CTNND2: variants seen among roughly 807,000 people sequenced by gnomAD.
CTNND2 encodes the protein catenin delta 2, also known as catenin delta-2.
CTNND2 carries 22 observed loss-of-function variants against 144.4 expected under a neutral mutation model. The observed-to-expected ratio is 0.15, with a 90% CI of 0.11 to 0.22. The LOEUF is 0.22. Ranked by LOEUF, CTNND2 falls within the 10% of genes least tolerant of loss-of-function variation. The probability of loss-of-function intolerance (pLI) is 1.00; values close to 1 mark genes in which losing one functional copy is unlikely to be tolerated. For missense variants in CTNND2, 1,353 were observed against 1,618.8 expected (o/e 0.84, Z 2.82); for synonymous variants, 751 against 695.6 (o/e 1.08, Z -1.25).
intron 1 of CTNND2, among the ~76,000 whole-genome samples, chr5:11,828,256 A>C (rs35110309): frequency 0.031 from 4,716 of 152,244 alleles, 115 homozygotes; most frequent in Non-Finnish European, 0.049. Flanking sequence ...CCGGCCGGGC[A>C]TGGTGGCTCA....
At chr5:11,046,027 G>A (rs1245161025) in intron 16 of CTNND2, among the ~76,000 whole-genome samples, 1 of 152,064 alleles carries the variant, frequency 6.6e-6, no homozygotes, top group Non-Finnish European at 1.5e-5. Context: ...AGCAGCTGTT[G>A]GGGCTACTTG....
chr5:11,651,838 C>G (rs556043940), intron 2 of CTNND2, among the ~76,000 whole-genome samples: 1 of 152,072 alleles, frequency 6.6e-6, no homozygotes, highest in Admixed American at 6.6e-5. Context: ...AATGCCTGTT[C>G]CCCCATTGTT....
chr5:11,767,970 T>G (rs1478399803), intron 1 of CTNND2, among the ~76,000 whole-genome samples: 1 of 152,158 alleles, frequency 6.6e-6, no homozygotes, highest in Admixed American at 6.5e-5. Context: ...ATCACTAAAT[T>G]CTTAACTGTA....
chr5:11,500,103 T>C (rs888836532), intron 3 of CTNND2, among the ~76,000 whole-genome samples: 4 of 152,184 alleles, frequency 2.6e-5, no homozygotes, highest in Non-Finnish European at 4.4e-5. Context: ...ATTTCCCTCA[T>C]CTCTGCTGTA....
intron 16 of CTNND2, among the ~76,000 whole-genome samples, chr5:11,074,670 C>T (rs1041603280): frequency 8.5e-5 from 13 of 152,250 alleles, no homozygotes; most frequent in African/African-American, 2.9e-4. Flanking sequence ...CTGTTCTCAC[C>T]ACCCCTCACT....
chr5:11,061,882 T>C (rs1747027776), intron 16 of CTNND2, among the ~76,000 whole-genome samples: 1 of 152,090 alleles, frequency 6.6e-6, no homozygotes, highest in African/African-American at 2.4e-5. Flanking sequence ...CTAATTTTTA[T>C]ATTTTTAGTA....
In CTNND2 at chr5:11,117,476, G is replaced by T. The variant is rs1398822747; in HGVS notation, c.2251C>A (p.Leu751Met). The T allele has an allele frequency of 1.2e-6, 2 of 1,614,028 alleles. No homozygotes were observed. Among genetic ancestry groups the T allele is most frequent in the South Asian group, 2.2e-5 (2 of 91,078 alleles). Reference protein sequence around the residue: ...DALLYVIQSALGSSEIDSKTV... With the variant: ...DALLYVIQSAMGSSEIDSKTV... ...TTGCTATCGATCTCACTGCTCCCCA[G>T]CGCAGACTGGATCACGTACAGCAAG... Residue 751 changes from leucine (L) to methionine (M), a missense_variant, in exon 13 of 22, where the codon CTG becomes ATG. Physicochemically the swap from Leu to Met is conservative, Grantham distance 15. Coordinates refer to ENST00000304623, the MANE Select transcript of CTNND2 (RefSeq NM_001332.4).
intron 3 of CTNND2, among the ~76,000 whole-genome samples, chr5:11,541,745 A>G (rs1259036921): frequency 6.6e-6 from 1 of 152,040 alleles, no homozygotes; most frequent in Non-Finnish European, 1.5e-5. Context: ...ATCTTAATCC[A>G]AATGCATATC....
At chr5:11,493,180 G>A (rs1239047769) in intron 3 of CTNND2, among the ~76,000 whole-genome samples, 4 of 152,054 alleles carry the variant, frequency 2.6e-5, no homozygotes, top group Admixed American at 6.6e-5. Context: ...AGTGACCTGC[G>A]TGGCCTTGCT....
intron 1 of CTNND2, among the ~76,000 whole-genome samples, chr5:11,778,436 G>A (rs749471986): frequency 2.6e-5 from 4 of 152,162 alleles, no homozygotes; most frequent in East Asian, 1.9e-4. Flanking sequence ...AGGTGACATT[G>A]TCAGCATCAT....
intron 8 of CTNND2, among the ~76,000 whole-genome samples, chr5:11,362,047 T>G (rs1002306096): frequency 6.6e-6 from 1 of 152,176 alleles, no homozygotes; most frequent in African/African-American, 2.4e-5. Context: ...ATGAACATTT[T>G]CAGGCTGGTA....
At chr5:11,864,216 G>C (rs550396153) in intron 1 of CTNND2, among the ~76,000 whole-genome samples, 16 of 152,124 alleles carry the variant, frequency 1.1e-4, no homozygotes, top group African/African-American at 3.9e-4. Context: ...AACCTCCGCT[G>C]CCTGAAAAAA....
chr5:11,897,053 A>G (rs1487055350), intron 1 of CTNND2, among the ~76,000 whole-genome samples: 6 of 152,164 alleles, frequency 3.9e-5, no homozygotes, highest in Admixed American at 3.9e-4. Flanking sequence ...GACTTTTTAT[A>G]TAACACCTGT....
intron 11 of CTNND2, among the ~76,000 whole-genome samples, chr5:11,181,714 G>T (rs1218964365): frequency 4.0e-5 from 6 of 148,804 alleles, no homozygotes; most frequent in African/African-American, 7.4e-5. Context: ...TATGCGTGTG[G>T]TGTGTGTGTG....
intron 9 of CTNND2, among the ~76,000 whole-genome samples, chr5:11,265,114 C>T (rs758116238): frequency 4.0e-5 from 6 of 151,756 alleles, no homozygotes; most frequent in East Asian, 1.9e-4. Context: ...TCAACAAGTT[C>T]GAAGCAAAAC....
chr5:11,726,489 C>G (rs1414227456), intron 2 of CTNND2, among the ~76,000 whole-genome samples: 1 of 152,060 alleles, frequency 6.6e-6, no homozygotes, highest in Admixed American at 6.5e-5. Flanking sequence ...AAAAAAAACC[C>G]AATTCATTTA....
At chr5:11,079,279 G>T (rs1749291330) in intron 16 of CTNND2, among the ~76,000 whole-genome samples, 1 of 121,764 alleles carries the variant, frequency 8.2e-6, no homozygotes. Flanking sequence ...CCCTTGCCAC[G>T]GGGGTTGGTC....
chr5:11,199,026 TA>T (rs1169617362), intron 11 of CTNND2, among the ~76,000 whole-genome samples: 1 of 152,246 alleles, frequency 6.6e-6, no homozygotes, highest in African/African-American at 2.4e-5. Flanking sequence ...ATATTTCATT[TA>T]AAAAATTAAC....
intron 9 of CTNND2, among the ~76,000 whole-genome samples, chr5:11,243,260 C>T (rs928216025): frequency 1.3e-5 from 2 of 152,152 alleles, no homozygotes; most frequent in African/African-American, 4.8e-5. Flanking sequence ...AGACTTGGTT[C>T]GAATCCTGCT....
Sources: gnomAD v4.1 joint callset for allele counts (sites outside exome capture counted in the v4.1 genomes callset) on GRCh38, gnomAD v4.1.1 for gene constraint, MANE v1.5 for transcripts, NCBI Gene and HGNC (gene_info 2026-07-23, HGNC 2026-07-21) for gene names.